RANGAP1: variants seen among roughly 807,000 people sequenced by gnomAD.
The protein encoded by RANGAP1 is ran GTPase-activating protein 1.
RANGAP1 carries 38 observed loss-of-function variants against 63.5 expected under a neutral mutation model. The ratio of observed to expected loss-of-function variants is 0.60; its 90% confidence interval spans 0.46 to 0.78. RANGAP1 has a LOEUF of 0.78. RANGAP1 is among the 30% of genes least tolerant of loss of function. The pLI is 0.00. For missense variants in RANGAP1, 630 were observed against 740.3 expected (o/e 0.85, Z 1.73); for synonymous variants, 329 against 310.5 (o/e 1.06, Z -0.63).
chr22:41,262,395 G>A (rs894127789), intron 5 of RANGAP1, among the ~76,000 whole-genome samples: 1 of 151,990 alleles, frequency 6.6e-6, no homozygotes, highest in African/African-American at 2.4e-5. Flanking sequence ...CACCTGCTAG[G>A]GCCTGGGCAT....
chr22:41,277,499 T>C (rs1329653988), intron 2 of RANGAP1: 1 of 1,197,404 alleles, frequency 8.4e-7, no homozygotes, highest in Admixed American at 2.3e-5. Flanking sequence ...TGAGTCTGGC[T>C]GGTACAGGAT....
chr22:41,254,826 G>T lies in RANGAP1; in HGVS notation c.1074-332C>A, dbSNP rs558056308. Among the ~76,000 whole-genome samples the T allele has an allele frequency of 1.1e-4, 16 of 152,222 alleles. No individual in the cohort carries two copies. In the East Asian group the frequency reaches 2.5e-3, roughly 24 times the overall value. Reference sequence around the variant, plus strand: ...TCTCTACTAAAAATACAAAAAATTAGCCGGGTGTGGTGGCGGGCGCCTGTG... The same window carrying T: ...TCTCTACTAAAAATACAAAAAATTATCCGGGTGTGGTGGCGGGCGCCTGTG... On this transcript the variant is annotated intron_variant, in intron 10 of 15. Transcript: ENST00000356244.
At chr22:41,292,536 G>A in the RANGAP1 span, among the ~76,000 whole-genome samples, 1 of 151,982 alleles carries the variant, frequency 6.6e-6, no homozygotes, top group Admixed American at 6.6e-5. Context: ...CGAGGTGGGT[G>A]GATCACGAGC....
chr22:41,252,903 C>T lies in RANGAP1; in HGVS notation c.1349G>A (p.Gly450Glu), dbSNP rs1490455150. Reference sequence around the variant, plus strand: ...GGCTATCAGCACGGAGCTCTTGGGCCCTAGGCGCAGCAGCTTCTCTGGAGA... The same window carrying T: ...GGCTATCAGCACGGAGCTCTTGGGCTCTAGGCGCAGCAGCTTCTCTGGAGA... Reference protein sequence around the residue: ...FPSPEKLLRLGPKSSVLIAQQ... With the variant: ...FPSPEKLLRLEPKSSVLIAQQ... The change falls in exon 12 of 16, where the codon GGG becomes GAG. Residue 450 changes from glycine (G) to glutamate (E), a missense_variant. Gly to Glu is a moderately conservative substitution (Grantham distance 98). Transcript: ENST00000356244. 1 of 1,572,974 alleles carries T rather than the reference C, an allele frequency of 6.4e-7. No homozygotes were observed. Among genetic ancestry groups the T allele is most frequent in the Non-Finnish European group, 8.6e-7 (1 of 1,161,438 alleles).
intron 12 of RANGAP1, among the ~76,000 whole-genome samples, chr22:41,251,543 T>C (rs561247314): frequency 9.5e-4 from 144 of 152,030 alleles, no homozygotes; most frequent in African/African-American, 3.3e-3. Context: ...GGAGGACTGC[T>C]TGAGCCCAGG....
intron 4 of RANGAP1, among the ~76,000 whole-genome samples, chr22:41,265,820 A>G (rs1397589501): frequency 6.6e-6 from 1 of 152,178 alleles, no homozygotes; most frequent in East Asian, 1.9e-4. Context: ...CTGGCCACAG[A>G]TATGGCAGAT....
intron 1 of RANGAP1, chr22:41,282,318 T>C (rs1292270858): frequency 6.6e-6 from 1 of 151,880 alleles, no homozygotes; most frequent in African/African-American, 2.4e-5. Context: ...ACTAAATAAA[T>C]GAAAGAATTT....
chr22:41,278,215 T>G (rs2035273185), intron 2 of RANGAP1, among the ~76,000 whole-genome samples: 1 of 152,072 alleles, frequency 6.6e-6, no homozygotes, highest in Non-Finnish European at 1.5e-5. Flanking sequence ...ATTTTTGTAT[T>G]TGTAGTAAAG....
intron 4 of RANGAP1, 80 bp downstream of exon 4, chr22:41,268,017 A>T (rs2034583088): frequency 2.2e-6 from 3 of 1,386,348 alleles, no homozygotes; most frequent in Non-Finnish European, 3.0e-6. Flanking sequence ...GGCTCCAGAA[A>T]GAATAAAGCA....
the RANGAP1 span, among the ~76,000 whole-genome samples, chr22:41,300,341 G>T: frequency 1.1e-3 from 164 of 149,064 alleles, 1 homozygote; most frequent in African/African-American, 3.9e-3. Context: ...CCTCATCGAT[G>T]AAATGAGAGT....
the RANGAP1 span, among the ~76,000 whole-genome samples, chr22:41,300,142 G>A: frequency 2.0e-5 from 3 of 151,936 alleles, no homozygotes; most frequent in African/African-American, 7.3e-5. Context: ...CCAAACAATT[G>A]AACAAGTTGG....
rs188506815 is a variant in RANGAP1 at position 41,266,792 on chromosome 22, C to T, written c.300+1305G>A. ...CAGGTGATCCACGTGCACCGCCCCC[C>T]ACCTTGGCCTCCCAAAATGCTGGGA... is the stretch of plus-strand genomic sequence containing the variant. On this transcript the variant is annotated intron_variant, in intron 4 of 15. Transcript: ENST00000356244. Among the ~76,000 whole-genome samples the T allele has an allele frequency of 9.3e-4, 142 of 152,330 alleles. 1 individual carries two copies. The highest frequency in any genetic ancestry group is 3.3e-3 in the African/African-American group (138 of 41,578).
chr22:41,277,139 G>A (rs1487522514), intron 2 of RANGAP1, among the ~76,000 whole-genome samples: 1 of 140,134 alleles, frequency 7.1e-6, no homozygotes, highest in African/African-American at 2.6e-5. Context: ...GTGCAGTGGC[G>A]GGATCTCGGC....
chr22:41,245,638 AAGCCCCCG>A lies in RANGAP1; in HGVS notation c.*957_*964del, dbSNP rs1213005083. On this transcript the variant is annotated 3_prime_UTR_variant, in exon 16 of 16. Coordinates refer to ENST00000356244, the MANE Select transcript of RANGAP1 (RefSeq NM_002883.4). ...AAGCTGCCACACGACTTTATTTGTG[AAGCCCCCG>A]GGCACAGCCCAGACACACACAGAGC... The A allele has an allele frequency of 6.6e-6, 1 of 152,216 alleles. No individual in the cohort carries two copies. The highest frequency in any genetic ancestry group is 1.5e-5 in the Non-Finnish European group (1 of 68,066). 9.4% of individuals were successfully genotyped at this position (152,216 alleles called of 1,614,324 possible).
intron 3 of RANGAP1, among the ~76,000 whole-genome samples, chr22:41,270,105 G>A (rs1431704491): frequency 6.6e-6 from 1 of 151,980 alleles, no homozygotes; most frequent in African/African-American, 2.4e-5. Context: ...AAAGTGCTGG[G>A]ATTACAGGCG....
At chr22:41,287,377 T>TTG (rs2035776276), upstream of RANGAP1, among the ~76,000 whole-genome samples, 1 of 130,728 alleles carries the variant, frequency 7.6e-6, no homozygotes, top group African/African-American at 2.7e-5. Flanking sequence ...CAGCGTTTTT[T>TTG]TTTTGTTTTT....
Position 41,258,114 on chromosome 22 carries a change from G to T in RANGAP1, c.616-8C>A, listed in dbSNP as rs771933717. On this transcript the variant is annotated splice_region_variant and splice_polypyrimidine_tract_variant and intron_variant, in intron 6 of 15. Coordinates refer to ENST00000356244, the MANE Select transcript of RANGAP1 (RefSeq NM_002883.4). Reference sequence around the variant, plus strand: ...CTCCAGGGTCCCGATGACCTGTGAAGAGGAGGCAGAGAGTGGAGGGGGCCC... The same window carrying T: ...CTCCAGGGTCCCGATGACCTGTGAATAGGAGGCAGAGAGTGGAGGGGGCCC... 6.3e-7 allele frequency: 1 copy of T among 1,590,818 alleles called. No individual in the cohort carries two copies. The highest frequency in any genetic ancestry group is 8.6e-7 in the Non-Finnish European group (1 of 1,165,044).
chr22:41,249,395 G>T lies in RANGAP1; in HGVS notation c.1629C>A (p.Asn543Lys). Residue 543 changes from asparagine (N) to lysine (K), a missense_variant, in exon 15 of 16, where the codon AAC (asparagine) becomes AAA (lysine). Coordinates refer to ENST00000356244, the MANE Select transcript of RANGAP1 (RefSeq NM_002883.4). ...ANLYGPLMAL[N>K]HMVQQDYFPK... ...GGAAATAGTCCTGCTGCACCATGTG[G>T]TTCAGCGCCATCAGGGGGCCGTACA... The T allele has an allele frequency of 1.2e-6, 2 of 1,614,144 alleles. No homozygotes were observed. Among genetic ancestry groups the T allele is most frequent in the Non-Finnish European group, 1.7e-6 (2 of 1,180,008 alleles).
intron 3 of RANGAP1, among the ~76,000 whole-genome samples, chr22:41,273,766 C>CAGAAAAAAA (rs2034972307): frequency 4.1e-5 from 1 of 24,350 alleles, no homozygotes; most frequent in Non-Finnish European, 7.1e-5. Flanking sequence ...GACTCCATCT[C>CAGAAAAAAA]AAAAAAAAAA....
Sources: allele counts gnomAD v4.1 joint callset (sites outside exome capture counted in the v4.1 genomes callset), GRCh38; gene constraint gnomAD v4.1.1; transcripts MANE v1.5; gene names NCBI Gene and HGNC (gene_info 2026-07-23, HGNC 2026-07-21).